The following CYP2C19 variants were observed in gnomAD, a reference collection of about 807,000 sequenced individuals.
CYP2C19 encodes cytochrome P450 family 2 subfamily C member 19.
Under a neutral mutation model 40.9 loss-of-function variants are expected in CYP2C19, and 59 were observed. That is an observed-to-expected ratio of 1.44 (90% CI 1.17 to 1.79). The LOEUF is 1.79. CYP2C19 is among the 40% of genes most tolerant of loss of function. The pLI, the probability that CYP2C19 is intolerant of heterozygous loss-of-function variation, is 0.00. For synonymous variants in CYP2C19, 253 were observed against 208.7 expected (o/e 1.21, Z -1.83); for missense variants, 754 against 596.9 (o/e 1.26, Z -2.74).
intron 6 of CYP2C19, among the ~76,000 whole-genome samples, chr10:94,840,423 C>A (rs1849474247): frequency 6.7e-6 from 1 of 149,792 alleles, no homozygotes; most frequent in South Asian, 2.1e-4. Flanking sequence ...AGGGATAAGA[C>A]TCCCTGGGTT....
intron 5 of CYP2C19, among the ~76,000 whole-genome samples, chr10:94,801,077 G>A (rs1399362782): frequency 6.6e-6 from 1 of 152,180 alleles, no homozygotes; most frequent in Non-Finnish European, 1.5e-5. Flanking sequence ...AGTTGGAAGT[G>A]CAGAAATCAC....
intron 2 of CYP2C19, 50 bp from the exon 3 acceptor site, chr10:94,775,340 C>G (rs776893462): frequency 6.2e-7 from 1 of 1,612,584 alleles, no homozygotes; most frequent in East Asian, 2.2e-5. Flanking sequence ...TGTCAGCTTC[C>G]TCTTTCTTGC....
At chr10:94,848,490 A>G (rs1170461135) in intron 7 of CYP2C19, among the ~76,000 whole-genome samples, 1 of 152,112 alleles carries the variant, frequency 6.6e-6, no homozygotes, top group Non-Finnish European at 1.5e-5. Context: ...GCCTTGTAGT[A>G]TAGTTTGAAG....
At chr10:94,814,325 G>A (rs892854689) in intron 5 of CYP2C19, among the ~76,000 whole-genome samples, 42 of 151,904 alleles carry the variant, frequency 2.8e-4, no homozygotes, top group African/African-American at 9.7e-4. Context: ...ATTGAGGTCT[G>A]TTATTTGAGA....
At position 94,842,852 on chromosome 10, in the gene CYP2C19, A is replaced by G. The variant is rs1349368563; in HGVS notation, c.977A>G (p.Glu326Gly). 6.2e-7 allele frequency: 1 copy of G among 1,614,128 alleles called. No individual in the cohort carries two copies. The highest frequency in any genetic ancestry group is 2.2e-5 in the East Asian group (1 of 44,872). The stretch of plus-strand genomic sequence containing the variant: ...GTCTTGTCAGCTAAAGTCCAGGAAG[A>G]GATTGAACGTGTCATTGGCAGAAAC... Reference protein sequence around the residue: ...HPEVTAKVQEEIERVIGRNRS... With the variant: ...HPEVTAKVQEGIERVIGRNRS... The change falls in exon 7 of 9, where the codon GAG becomes GGG. Residue 326 changes from glutamate (E) to glycine (G), a missense_variant. Transcript: ENST00000371321.
chr10:94,803,717 G>A (rs531569561), intron 5 of CYP2C19, among the ~76,000 whole-genome samples: 22 of 152,304 alleles, frequency 1.4e-4, no homozygotes, highest in Non-Finnish European at 2.5e-4. Flanking sequence ...TAAGGGAGGG[G>A]AGAGTTGGTG....
intron 5 of CYP2C19, among the ~76,000 whole-genome samples, chr10:94,785,717 G>A (rs191514611): frequency 2.2e-4 from 33 of 152,072 alleles, no homozygotes; most frequent in Admixed American, 9.8e-4. Flanking sequence ...AAAGAGCATC[G>A]CGTAAAATCG....
intron 6 of CYP2C19, among the ~76,000 whole-genome samples, chr10:94,826,952 G>A (rs1849235827): frequency 1.3e-5 from 2 of 152,056 alleles, no homozygotes; most frequent in Non-Finnish European, 2.9e-5. Context: ...CTGTTTATAT[G>A]CTGGATTACA....
In CYP2C19 at chr10:94,853,076, T is replaced by A; in HGVS notation, c.*162T>A. 1.4e-6 allele frequency: 1 copy of A among 699,848 alleles called. No individual in the cohort carries two copies. Among genetic ancestry groups the A allele is most frequent in the Non-Finnish European group, 2.4e-6 (1 of 424,930 alleles). 43.4% of individuals were successfully genotyped at this position (699,848 alleles called of 1,614,324 possible). A position where few individuals can be genotyped will look rare whatever the true frequency, so the allele number is the denominator to read the frequency against. ...AGCCTCCATTAAAAAAGTTTCACTG[T>A]GCAAATATATCTGCTATTCCCCATA... On this transcript the variant is annotated 3_prime_UTR_variant, in exon 9 of 9. Transcript: ENST00000371321.
At chr10:94,821,689 C>T (rs908000227) in intron 6 of CYP2C19, among the ~76,000 whole-genome samples, 1 of 151,950 alleles carries the variant, frequency 6.6e-6, no homozygotes, top group Non-Finnish European at 1.5e-5. Context: ...TTCTTTTTTC[C>T]CCTGTGTCAG....
chr10:94,813,636 C>A (rs1049630614), intron 5 of CYP2C19, among the ~76,000 whole-genome samples: 18 of 151,972 alleles, frequency 1.2e-4, no homozygotes, highest in African/African-American at 2.9e-4. Context: ...CTCAACACCC[C>A]CCCCAAGCTC....
At chr10:94,805,857 T>C (rs1848828053) in intron 5 of CYP2C19, among the ~76,000 whole-genome samples, 1 of 152,224 alleles carries the variant, frequency 6.6e-6, no homozygotes, top group Admixed American at 6.6e-5. Flanking sequence ...TCACATTCTT[T>C]GAGGTCTTTG....
chr10:94,845,296 T>A (rs575714194), intron 7 of CYP2C19, among the ~76,000 whole-genome samples: 1 of 152,342 alleles, frequency 6.6e-6, no homozygotes, highest in South Asian at 2.1e-4. Context: ...ATAGACAATG[T>A]ACAAATGAAT....
chr10:94,815,042 G>T (rs867519282), intron 5 of CYP2C19, among the ~76,000 whole-genome samples: 1 of 138,446 alleles, frequency 7.2e-6, no homozygotes, highest in Non-Finnish European at 1.5e-5. Context: ...TAGAAGGGGT[G>T]CTCTTTAGAT....
intron 5 of CYP2C19, among the ~76,000 whole-genome samples, chr10:94,789,991 G>A (rs894026709): frequency 6.6e-6 from 1 of 151,968 alleles, no homozygotes; most frequent in Non-Finnish European, 1.5e-5. Context: ...GAATGTTCTT[G>A]CATTTGTTTG....
chr10:94,780,554 C>G lies in CYP2C19; in HGVS notation c.537C>G (p.Cys179Trp), dbSNP rs750557758. Reference sequence around the variant, plus strand: ...GCTGTGCTCCCTGCAATGTGATCTGCTCCATTATTTTCCAGAAACGTTTCG... The same window carrying G: ...GCTGTGCTCCCTGCAATGTGATCTGGTCCATTATTTTCCAGAAACGTTTCG... ...ILGCAPCNVI[C>W]SIIFQKRFDY... is the part of the protein sequence containing the mutation. The change falls in exon 4 of 9, where the codon TGC becomes TGG. Residue 179 changes from cysteine (C) to tryptophan (W), a missense_variant. Physicochemically the swap from Cys to Trp is radical, Grantham distance 215 (BLOSUM62 -2). Coordinates refer to ENST00000371321, the MANE Select transcript of CYP2C19 (RefSeq NM_000769.4). 1.9e-6 allele frequency: 3 copies of G among 1,613,822 alleles called. No homozygotes were observed. The highest frequency in any genetic ancestry group is 2.5e-6 in the Non-Finnish European group (3 of 1,179,944).
chr10:94,830,428 T>C (rs985459781), intron 6 of CYP2C19, among the ~76,000 whole-genome samples: 1 of 152,172 alleles, frequency 6.6e-6, no homozygotes, highest in Non-Finnish European at 1.5e-5. Context: ...CCAGGTGCCG[T>C]CTGTCACCCC....
intron 6 of CYP2C19, among the ~76,000 whole-genome samples, chr10:94,840,228 C>T (rs889952168): frequency 1.4e-5 from 2 of 142,802 alleles, no homozygotes; most frequent in Non-Finnish European, 3.1e-5. Flanking sequence ...ATGGGGCACA[C>T]TTTTTTTTTT....
At chr10:94,794,840 A>G (rs914820151) in intron 5 of CYP2C19, among the ~76,000 whole-genome samples, 6 of 152,030 alleles carry the variant, frequency 3.9e-5, no homozygotes, top group Admixed American at 2.6e-4. Flanking sequence ...CAATCATGTC[A>G]TCTGCAAACA....
Sources: gnomAD v4.1 joint callset for allele counts (sites outside exome capture counted in the v4.1 genomes callset) on GRCh38, gnomAD v4.1.1 for gene constraint, MANE v1.5 for transcripts, NCBI Gene and HGNC (gene_info 2026-07-23, HGNC 2026-07-21) for gene names.